CLEC1A: variants seen among roughly 807,000 people sequenced by gnomAD.
CLEC1A encodes the protein C-type lectin-like receptor-1.
Under a neutral mutation model 28.7 loss-of-function variants are expected in CLEC1A, and 34 were observed. The observed-to-expected ratio is 1.18, with a 90% CI of 0.90 to 1.57. The LOEUF is 1.57. CLEC1A is among the 40% of genes most tolerant of loss of function. CLEC1A has a pLI of 0.00. For missense variants in CLEC1A, 385 were observed against 339.5 expected (o/e 1.13, Z -1.05); for synonymous variants, 116 against 121.0 (o/e 0.96, Z 0.27).
chr12:10,089,096 C>T, intron 2 of CLEC1A, 28 bp downstream of exon 2: 2 of 1,543,448 alleles, frequency 1.3e-6, no homozygotes, highest in Non-Finnish European at 1.8e-6. Context: ...GAACCAGGAT[C>T]CTCCCCCAGG....
Position 10,075,582 on chromosome 12 carries a change from G to A in CLEC1A, c.465C>T (p.Ser155=). The A allele has an allele frequency of 6.2e-7, 1 of 1,613,834 alleles. No individual in the cohort carries two copies. The highest frequency in any genetic ancestry group is 8.5e-7 in the Non-Finnish European group (1 of 1,179,832). Residue 155 remains serine, a synonymous_variant, in exon 4 of 6, where the codon AGC becomes AGT. Coordinates refer to ENST00000315330, the MANE Select transcript of CLEC1A (RefSeq NM_016511.4). ...GDNCYQFYKD[S]KSWEDCKYFC... Reference sequence around the variant, plus strand: ...AATATTTACAGTCCTCCCAACTTTTGCTGTCTTTATAGAACTGGTAGCAAT... The same window carrying A: ...AATATTTACAGTCCTCCCAACTTTTACTGTCTTTATAGAACTGGTAGCAAT...
chr12:10,075,648 C>T lies in CLEC1A; in HGVS notation c.399G>A (p.Arg133=), dbSNP rs764514003. 3 of 1,612,314 alleles carry T rather than the reference C, an allele frequency of 1.9e-6. No homozygotes were observed. Among genetic ancestry groups the T allele is most frequent in the South Asian group, 1.1e-5 (1 of 90,480 alleles). ...RELYNKAGAH[R]CSPCTEQWKW... ...TCCATTGTTCTGTACAAGGGCTGCA[C>T]CTGTGTGCTTGGAAAAAAGCCAATT... is the stretch of plus-strand genomic sequence containing the variant. Residue 133 remains arginine (R), a synonymous_variant, in exon 4 of 6, where the codon AGG becomes AGA. Transcript: ENST00000315330.
intron 4 of CLEC1A, among the ~76,000 whole-genome samples, chr12:10,073,779 T>C (rs1304479652): frequency 6.6e-6 from 1 of 152,004 alleles, no homozygotes; most frequent in African/African-American, 2.4e-5. Context: ...TGGAAGAATA[T>C]GGAGGGAAAA....
At chr12:10,076,079 C>T (rs933574565) in intron 3 of CLEC1A, among the ~76,000 whole-genome samples, 8 of 152,110 alleles carry the variant, frequency 5.3e-5, no homozygotes, top group Non-Finnish European at 1.0e-4. Context: ...TTAAAAAATA[C>T]GGTATATACC....
At chr12:10,086,874 C>T (rs1452466983) in intron 2 of CLEC1A, among the ~76,000 whole-genome samples, 1 of 152,050 alleles carries the variant, frequency 6.6e-6, no homozygotes, top group East Asian at 1.9e-4. Flanking sequence ...AGACCAATAT[C>T]CCTGATGAAC....
chr12:10,073,208 T>C lies in CLEC1A; in HGVS notation c.662+85A>G, dbSNP rs1287365164. Reference sequence around the variant, plus strand: ...TACAAAGCAGAAGTTTGATTAATACTTGATGGACCAAATTCTTGAGCTCTA... The same window carrying C: ...TACAAAGCAGAAGTTTGATTAATACCTGATGGACCAAATTCTTGAGCTCTA... On this transcript the variant is annotated intron_variant, in intron 5 of 5. Transcript: ENST00000315330. 4.1e-6 allele frequency: 4 copies of C among 973,906 alleles called. No homozygotes were observed. The Admixed American group carries it at 5.6e-5, about 14-fold the overall frequency. The allele number at this position is 973,906 out of a possible 1,614,324, so 60.3% of individuals were successfully genotyped here.
intron 2 of CLEC1A, among the ~76,000 whole-genome samples, chr12:10,087,471 G>GA (rs1866519401): frequency 1.8e-5 from 1 of 56,658 alleles, no homozygotes; most frequent in African/African-American, 7.8e-5. Context: ...ATACCTCAAA[G>GA]TTATATATAT....
intron 2 of CLEC1A, among the ~76,000 whole-genome samples, chr12:10,082,545 C>G (rs1328804305): frequency 6.6e-6 from 1 of 152,184 alleles, no homozygotes; most frequent in African/African-American, 2.4e-5. Flanking sequence ...CTGCCTAACC[C>G]TGATCCCATG....
chr12:10,075,043 G>A (rs1205055066), intron 4 of CLEC1A, among the ~76,000 whole-genome samples: 1 of 152,062 alleles, frequency 6.6e-6, no homozygotes, highest in Non-Finnish European at 1.5e-5. Flanking sequence ...CATTTGCCTT[G>A]ACCAGTCTAT....
chr12:10,075,637 C>A lies in CLEC1A; in HGVS notation c.410G>T (p.Cys137Phe). Residue 137 changes from cysteine (C) to phenylalanine (F), a missense_variant, in exon 4 of 6, where the codon TGT (cysteine) becomes TTT (phenylalanine). Transcript: ENST00000315330. ...NKAGAHRCSP[C>F]TEQWKWHGDN... Reference sequence around the variant, plus strand: ...TCCATGCCATTTCCATTGTTCTGTACAAGGGCTGCACCTGTGTGCTTGGAA... The same window carrying A: ...TCCATGCCATTTCCATTGTTCTGTAAAAGGGCTGCACCTGTGTGCTTGGAA... 6.2e-7 allele frequency: 1 copy of A among 1,613,908 alleles called. No homozygotes were observed.
intron 3 of CLEC1A, among the ~76,000 whole-genome samples, chr12:10,077,715 TA>T (rs930071750): frequency 1.3e-5 from 2 of 152,192 alleles, no homozygotes; most frequent in African/African-American, 4.8e-5. Context: ...TTCCATTTCA[TA>T]AATACATGAA....
At chr12:10,088,681 A>G (rs1427559527) in intron 2 of CLEC1A, among the ~76,000 whole-genome samples, 1 of 151,918 alleles carries the variant, frequency 6.6e-6, no homozygotes, top group Non-Finnish European at 1.5e-5. Context: ...GGCCTTTAAA[A>G]AATATGGTGA....
intron 1 of CLEC1A, among the ~76,000 whole-genome samples, chr12:10,093,924 T>C (rs979790296): frequency 1.3e-5 from 2 of 152,136 alleles, no homozygotes; most frequent in Non-Finnish European, 2.9e-5. Context: ...TCTGTGTTCA[T>C]GTAAATGCAG....
chr12:10,088,879 TACAA>T (rs1565606338), intron 2 of CLEC1A, among the ~76,000 whole-genome samples: 2 of 152,062 alleles, frequency 1.3e-5, no homozygotes, highest in East Asian at 1.9e-4. Flanking sequence ...AACATTGACA[TACAA>T]ACAAACAGAC....
Position 10,075,671 on chromosome 12 carries a change from A to C in CLEC1A, c.392-16T>G. On this transcript the variant is annotated splice_polypyrimidine_tract_variant and intron_variant, in intron 3 of 5. Transcript: ENST00000315330. ...CACCTGTGTGCTTGGAAAAAAGCCA[A>C]TTTTATTGTTATTTTCTGCATGAGT... 10 of 1,610,180 alleles carry C rather than the reference A, an allele frequency of 6.2e-6. No individual in the cohort carries two copies. Among genetic ancestry groups the C allele is most frequent in the Non-Finnish European group, 8.5e-6 (10 of 1,177,978 alleles).
intron 2 of CLEC1A, among the ~76,000 whole-genome samples, chr12:10,082,005 C>T (rs1591911300): frequency 6.6e-6 from 1 of 152,296 alleles, no homozygotes; most frequent in East Asian, 1.9e-4. Context: ...CACTCCCATT[C>T]TCCAGCTCAA....
At chr12:10,086,111 T>C (rs1009453954) in intron 2 of CLEC1A, among the ~76,000 whole-genome samples, 2 of 152,138 alleles carry the variant, frequency 1.3e-5, no homozygotes, top group African/African-American at 4.8e-5. Flanking sequence ...GAAATCAAGA[T>C]AGAGATTAAA....
intron 2 of CLEC1A, among the ~76,000 whole-genome samples, chr12:10,086,449 G>A (rs1310513115): frequency 1.3e-5 from 2 of 151,210 alleles, no homozygotes; most frequent in African/African-American, 4.8e-5. Flanking sequence ...TAGAACGTTA[G>A]CAAGGTTAAT....
intron 3 of CLEC1A, among the ~76,000 whole-genome samples, chr12:10,079,591 C>T (rs985590379): frequency 1.3e-5 from 2 of 151,842 alleles, no homozygotes; most frequent in Admixed American, 6.6e-5. Flanking sequence ...GAGGCTGAGG[C>T]GGGCAGATCA....
Sources: allele counts gnomAD v4.1 joint callset (sites outside exome capture counted in the v4.1 genomes callset), GRCh38; gene constraint gnomAD v4.1.1; transcripts MANE v1.5; gene names NCBI Gene and HGNC (gene_info 2026-07-23, HGNC 2026-07-21).